The following MAML3 variants were observed in gnomAD, a reference collection of about 807,000 sequenced individuals.
The protein encoded by MAML3 is mastermind-like protein 3.
Under a neutral mutation model 101.9 loss-of-function variants are expected in MAML3, and 27 were observed. The observed-to-expected ratio is 0.27, with a 90% CI of 0.20 to 0.37. The LOEUF is 0.37. Ranked by LOEUF, MAML3 falls within the 10% of genes least tolerant of loss-of-function variation. MAML3 has a pLI of 1.00. For synonymous variants in MAML3, 501 were observed against 555.9 expected (o/e 0.90, Z 1.39); for missense variants, 1,316 against 1,444.9 (o/e 0.91, Z 1.45).
chr4:139,727,682 A>C (rs1728530560), intron 3 of MAML3, among the ~76,000 whole-genome samples: 1 of 152,252 alleles, frequency 6.6e-6, no homozygotes, highest in African/African-American at 2.4e-5. Context: ...CTTTTGGAGA[A>C]TACGGCATTA....
chr4:140,009,179 G>A (rs1248116610), intron 1 of MAML3, among the ~76,000 whole-genome samples: 4 of 152,194 alleles, frequency 2.6e-5, no homozygotes, highest in African/African-American at 9.7e-5. Context: ...TGTGCCTATT[G>A]TTACAAGTCA....
intron 1 of MAML3, among the ~76,000 whole-genome samples, chr4:140,133,523 C>A (rs535253115): frequency 6.6e-6 from 1 of 152,000 alleles, no homozygotes; most frequent in Admixed American, 6.6e-5. Context: ...AAACGAAGCA[C>A]CCTAAAATTC....
chr4:140,033,615 A>G (rs1435351016), intron 1 of MAML3, among the ~76,000 whole-genome samples: 1 of 152,218 alleles, frequency 6.6e-6, no homozygotes, highest in Non-Finnish European at 1.5e-5. Context: ...AAGAGCACTG[A>G]GTTCTAGAAT....
At chr4:140,135,670 C>A (rs981182572) in intron 1 of MAML3, among the ~76,000 whole-genome samples, 4 of 152,326 alleles carry the variant, frequency 2.6e-5, no homozygotes, top group East Asian at 1.9e-4. Flanking sequence ...ACACCCAATG[C>A]CGAGAGAGTT....
Position 139,737,746 on chromosome 4 carries a change from C to T in MAML3, c.2080-7079G>A, listed in dbSNP as rs74928274. On this transcript the variant is annotated intron_variant, in intron 2 of 4. Coordinates refer to ENST00000509479, the MANE Select transcript of MAML3 (RefSeq NM_018717.5). ...AAGGCAGTGATTTGGTTTTCTTTTA[C>T]AAACTTTCTTTTTCCAGAAAAATTT... 2.5e-3 allele frequency among the ~76,000 whole-genome samples: 375 copies of T among 152,270 alleles called. 1 individual carries two copies. The highest frequency in any genetic ancestry group is 4.2e-3 in the Non-Finnish European group (287 of 68,008).
chr4:140,026,946 T>C (rs1726835844), intron 1 of MAML3, among the ~76,000 whole-genome samples: 1 of 152,194 alleles, frequency 6.6e-6, no homozygotes, highest in Non-Finnish European at 1.5e-5. Context: ...TGCAATACTT[T>C]CTTATATAAT....
chr4:139,754,540 G>A (rs1023211585), intron 2 of MAML3, among the ~76,000 whole-genome samples: 1 of 152,138 alleles, frequency 6.6e-6, no homozygotes, highest in Non-Finnish European at 1.5e-5. Context: ...ACTACTTTAT[G>A]CTGAAATGAA....
intron 3 of MAML3, among the ~76,000 whole-genome samples, chr4:139,730,117 C>T (rs1164625562): frequency 6.6e-6 from 1 of 152,184 alleles, no homozygotes; most frequent in African/African-American, 2.4e-5. Context: ...TTACACAGAC[C>T]CCTGTACCAG....
chr4:139,971,213 C>A (rs1734229582), intron 1 of MAML3, among the ~76,000 whole-genome samples: 1 of 152,090 alleles, frequency 6.6e-6, no homozygotes, highest in Non-Finnish European at 1.5e-5. Flanking sequence ...CTCACTGTAC[C>A]TTCTGGGCTA....
intron 1 of MAML3, among the ~76,000 whole-genome samples, chr4:140,074,436 G>T (rs1727733461): frequency 6.6e-6 from 1 of 152,094 alleles, no homozygotes; most frequent in Admixed American, 6.5e-5. Context: ...CAGTCATACA[G>T]GTTGAACATT....
At chr4:139,744,093 A>T (rs1459723151) in intron 2 of MAML3, among the ~76,000 whole-genome samples, 1 of 152,170 alleles carries the variant, frequency 6.6e-6, no homozygotes, top group Non-Finnish European at 1.5e-5. Flanking sequence ...AGATGCACAA[A>T]CACCTTGGGT....
intron 1 of MAML3, among the ~76,000 whole-genome samples, chr4:139,998,833 A>T (rs1001338646): frequency 5.4e-5 from 8 of 148,936 alleles, no homozygotes; most frequent in African/African-American, 9.9e-5. Context: ...CTCAGCCTTT[A>T]AAAAAAAAAC....
intron 1 of MAML3, among the ~76,000 whole-genome samples, chr4:140,063,676 G>A (rs1327111756): frequency 6.6e-6 from 1 of 152,120 alleles, no homozygotes. Flanking sequence ...CAGACATCAT[G>A]AAGTTAGAAT....
chr4:139,772,346 TGTTA>T (rs1730012064), intron 2 of MAML3, among the ~76,000 whole-genome samples: 1 of 150,848 alleles, frequency 6.6e-6, no homozygotes, highest in African/African-American at 2.4e-5. Context: ...TCTTTTTGTT[TGTTA>T]GTTTTTTTGA....
intron 1 of MAML3, among the ~76,000 whole-genome samples, chr4:140,106,484 C>T (rs531793823): frequency 3.3e-5 from 5 of 152,150 alleles, no homozygotes; most frequent in African/African-American, 9.7e-5. Context: ...TGCACACCCA[C>T]GGAGAAGTGA....
At chr4:139,720,753 C>T (rs1728202377) in intron 4 of MAML3, among the ~76,000 whole-genome samples, 1 of 152,198 alleles carries the variant, frequency 6.6e-6, no homozygotes, top group African/African-American at 2.4e-5. Context: ...CAATAAGATA[C>T]TATTTTCTTT....
chr4:140,069,666 GAAAGAAAGAAAGAA>G (rs1275534614), intron 1 of MAML3, among the ~76,000 whole-genome samples: 1 of 148,646 alleles, frequency 6.7e-6, no homozygotes, highest in Admixed American at 6.8e-5. Flanking sequence ...AGGAGAAGGA[GAAAGAAAGAAAGAA>G]AAAGAAAGAA....
chr4:139,924,202 T>C (rs13132016), intron 1 of MAML3, among the ~76,000 whole-genome samples: 53,012 of 152,052 alleles, frequency 0.35, 10,085 homozygotes, highest in East Asian at 0.63. Flanking sequence ...CCAGAGATAG[T>C]GGCTGAATTG....
chr4:139,892,958 C>G (rs1732534420), intron 1 of MAML3, among the ~76,000 whole-genome samples: 1 of 145,834 alleles, frequency 6.9e-6, no homozygotes, highest in African/African-American at 2.6e-5. Flanking sequence ...AAAGTCCAAA[C>G]TGACTCTTGC....
Sources: allele counts gnomAD v4.1 joint callset (sites outside exome capture counted in the v4.1 genomes callset), GRCh38; gene constraint gnomAD v4.1.1; transcripts MANE v1.5; gene names NCBI Gene and HGNC (gene_info 2026-07-23, HGNC 2026-07-21).